Variants in EPHA4 observed in about 807,000 individuals in gnomAD.
The protein encoded by EPHA4 is ephrin type-A receptor 4.
In EPHA4, 19 loss-of-function variants were observed where a neutral mutation model predicts 108.3. That is an observed-to-expected ratio of 0.18 (90% CI 0.12 to 0.26). EPHA4 has a LOEUF of 0.26. Ranked by LOEUF, EPHA4 falls within the 10% of genes least tolerant of loss-of-function variation. The pLI, the probability that EPHA4 is intolerant of heterozygous loss-of-function variation, is 1.00. For synonymous variants in EPHA4, 449 were observed against 455.5 expected, an observed-to-expected ratio of 0.99 and a Z score of 0.18; for missense variants, 917 against 1,254.0, an observed-to-expected ratio of 0.73 and a Z score of 4.06.
In EPHA4 at chr2:221,501,038, C is replaced by A. The variant is rs1374932930; in HGVS notation, c.958G>T (p.Ala320Ser). 6.2e-7 allele frequency: 1 copy of A among 1,611,438 alleles called. No homozygotes were observed. Among genetic ancestry groups the A allele is most frequent in the African/African-American group, 1.3e-5 (1 of 74,804 alleles). Residue 320 changes from alanine (A) to serine (S), a missense_variant, in exon 4 of 18, where the codon GCT becomes TCT. Physicochemically the swap from Ala to Ser is moderately conservative, Grantham distance 99. Transcript: ENST00000281821. The part of the protein sequence containing the change: ...DRGFFRADND[A>S]ASMPCTRPPS... ...TTACGGGTGCAGGGCATAGAGGCAG[C>A]ATCGTTGTCAGCTCTGAAAAAGCCT...
At chr2:221,570,994 G>T (rs963633729) in intron 1 of EPHA4, among the ~76,000 whole-genome samples, 6 of 152,160 alleles carry the variant, frequency 3.9e-5, no homozygotes, top group African/African-American at 1.4e-4. Context: ...ATGCACGCAG[G>T]CCAGAGCACC....
intron 3 of EPHA4, among the ~76,000 whole-genome samples, chr2:221,503,491 C>T (rs1692541581): frequency 6.6e-6 from 1 of 152,130 alleles, no homozygotes. Flanking sequence ...AGTGCAAAAA[C>T]CTGTTTTATA....
intron 3 of EPHA4, among the ~76,000 whole-genome samples, chr2:221,504,304 C>T (rs1324964529): frequency 6.6e-6 from 1 of 151,854 alleles, no homozygotes; most frequent in Non-Finnish European, 1.5e-5. Context: ...TTTAGCTTTG[C>T]TTTAATTATC....
chr2:221,469,980 C>T (rs934228285), intron 5 of EPHA4, among the ~76,000 whole-genome samples: 4 of 152,148 alleles, frequency 2.6e-5, no homozygotes, highest in African/African-American at 7.2e-5. Context: ...AGCATTGTTA[C>T]CAGCCACTGT....
At chr2:221,537,409 A>G (rs529654213) in intron 3 of EPHA4, among the ~76,000 whole-genome samples, 1 of 152,250 alleles carries the variant, frequency 6.6e-6, no homozygotes, top group Non-Finnish European at 1.5e-5. Flanking sequence ...TCATTTATCA[A>G]TAGCCTGGTC....
intron 3 of EPHA4, among the ~76,000 whole-genome samples, chr2:221,518,710 C>T (rs1210282412): frequency 6.6e-6 from 1 of 152,134 alleles, no homozygotes; most frequent in Admixed American, 6.5e-5. Flanking sequence ...ATGTTTCTTG[C>T]CATTGTGACT....
At chr2:221,505,489 C>G (rs1574619570) in intron 3 of EPHA4, among the ~76,000 whole-genome samples, 1 of 152,062 alleles carries the variant, frequency 6.6e-6, no homozygotes, top group Middle Eastern at 3.4e-3. Context: ...CTACGCCCGG[C>G]TAATTTTTAT....
intron 4 of EPHA4, among the ~76,000 whole-genome samples, chr2:221,499,746 ATATATATATATTTTTTTTT>A (rs1323938967): frequency 8.3e-5 from 4 of 48,434 alleles, no homozygotes; most frequent in African/African-American, 4.5e-4. Context: ...ATATATATAT[ATATATATATATTTTTTTTT>A]TTTTTTTTTG....
At chr2:221,456,819 C>G in intron 6 of EPHA4, 47 bp from the exon 7 acceptor site, 2 of 1,606,328 alleles carry the variant, frequency 1.2e-6, no homozygotes, top group South Asian at 2.2e-5. Context: ...AAATAAATCT[C>G]CTGCTTACTT....
intron 13 of EPHA4, among the ~76,000 whole-genome samples, chr2:221,435,189 G>C (rs1690193520): frequency 6.6e-6 from 1 of 152,118 alleles, no homozygotes; most frequent in Non-Finnish European, 1.5e-5. Flanking sequence ...ATACATTGCA[G>C]TAAACTCTGA....
chr2:221,462,093 A>C (rs755696965), intron 5 of EPHA4, among the ~76,000 whole-genome samples: 4 of 151,188 alleles, frequency 2.6e-5, no homozygotes, highest in Non-Finnish European at 4.4e-5. Context: ...ACTTGTTTTA[A>C]GGACAGTTTT....
At chr2:221,557,085 C>T (rs1274884598) in intron 3 of EPHA4, among the ~76,000 whole-genome samples, 1 of 152,124 alleles carries the variant, frequency 6.6e-6, no homozygotes, top group African/African-American at 2.4e-5. Context: ...AAAAAAAAGG[C>T]AAATAACATC....
intron 3 of EPHA4, among the ~76,000 whole-genome samples, chr2:221,507,607 T>C (rs927876979): frequency 2.0e-5 from 3 of 152,228 alleles, no homozygotes; most frequent in East Asian, 3.9e-4. Flanking sequence ...ACAACTACAA[T>C]AGCAATTGAA....
intron 3 of EPHA4, among the ~76,000 whole-genome samples, chr2:221,522,757 TATTATTA>T (rs1693203885): frequency 2.1e-5 from 3 of 143,080 alleles, no homozygotes; most frequent in South Asian, 2.4e-4. Context: ...TTATTATTAT[TATTATTA>T]TTATTATTAT....
At chr2:221,569,600 C>G (rs1433109322) in intron 1 of EPHA4, 5 of 152,174 alleles carry the variant, frequency 3.3e-5, no homozygotes. Flanking sequence ...GCTAGAAGAG[C>G]GCTAGGTAAG....
chr2:221,531,770 AATGTCT>A (rs1693524665), intron 3 of EPHA4, among the ~76,000 whole-genome samples: 1 of 152,146 alleles, frequency 6.6e-6, no homozygotes, highest in Non-Finnish European at 1.5e-5. Flanking sequence ...AAAATATGTA[AATGTCT>A]ATTTTATTTT....
chr2:221,454,716 T>C (rs1261240094), intron 8 of EPHA4, among the ~76,000 whole-genome samples: 1 of 152,192 alleles, frequency 6.6e-6, no homozygotes, highest in Admixed American at 6.5e-5. Flanking sequence ...GGGCAGACGA[T>C]GGGAGTGAGT....
intron 6 of EPHA4, 81 bp from the exon 7 acceptor site, chr2:221,456,853 C>A (rs1574579073): frequency 6.1e-6 from 9 of 1,485,240 alleles, no homozygotes; most frequent in South Asian, 2.4e-5. Flanking sequence ...TTAAAGGAGT[C>A]AAGCCAGTCA....
chr2:221,511,565 A>G (rs2106165818), intron 3 of EPHA4, among the ~76,000 whole-genome samples: 1 of 129,660 alleles, frequency 7.7e-6, no homozygotes, highest in South Asian at 2.4e-4. Flanking sequence ...CTTCCACCAC[A>G]TGTCTGCGGG....
Sources: gnomAD v4.1 joint callset for allele counts (sites outside exome capture counted in the v4.1 genomes callset) on GRCh38, gnomAD v4.1.1 for gene constraint, MANE v1.5 for transcripts, NCBI Gene and HGNC (gene_info 2026-07-23, HGNC 2026-07-21) for gene names.